NRXN3: variants seen among roughly 807,000 people sequenced by gnomAD.
The protein encoded by NRXN3 is neurexin 3.
A neutral mutation model predicts 137.6 loss-of-function variants in NRXN3; 32 were observed. The observed-to-expected ratio is 0.23, with a 90% CI of 0.18 to 0.31. NRXN3 has a LOEUF of 0.31. NRXN3 is among the 10% of genes least tolerant of loss of function. NRXN3 has a pLI of 1.00. For synonymous variants in NRXN3, 798 were observed against 784.5 expected (o/e 1.02, Z -0.29); for missense variants, 1,574 against 2,062.5 (o/e 0.76, Z 4.59).
chr14:79,269,718 C>A (rs2079017018), intron 15 of NRXN3, among the ~76,000 whole-genome samples: 1 of 152,146 alleles, frequency 6.6e-6, no homozygotes. Flanking sequence ...GCATATTCTT[C>A]CCATACCGAT....
At chr14:79,408,183 A>C (rs1567041968) in intron 15 of NRXN3, among the ~76,000 whole-genome samples, 1 of 152,152 alleles carries the variant, frequency 6.6e-6, no homozygotes, top group Non-Finnish European at 1.5e-5. Context: ...AAGTGTTTGC[A>C]GACCTGCACT....
chr14:78,525,798 G>A (rs143642880), intron 4 of NRXN3, among the ~76,000 whole-genome samples: 14 of 152,216 alleles, frequency 9.2e-5, no homozygotes, highest in South Asian at 8.3e-4. Context: ...GCTCCTCCTC[G>A]TTTTGTTCTC....
chr14:78,313,824 G>A (rs1449306969), intron 4 of NRXN3, among the ~76,000 whole-genome samples: 2 of 151,968 alleles, frequency 1.3e-5, no homozygotes, highest in African/African-American at 4.8e-5. Flanking sequence ...TTTACTTTTG[G>A]TAAAATTGAG....
intron 15 of NRXN3, among the ~76,000 whole-genome samples, chr14:79,357,722 A>G (rs113191411): frequency 0.016 from 2,489 of 152,280 alleles, 65 homozygotes; most frequent in African/African-American, 0.056. Flanking sequence ...ACTGATATAT[A>G]TATACATACC....
chr14:79,234,334 ATATATAATATT>A (rs1568715268), intron 15 of NRXN3, among the ~76,000 whole-genome samples: 5 of 103,766 alleles, frequency 4.8e-5, no homozygotes, highest in African/African-American at 7.3e-5. Context: ...ATATATATAT[ATATATAATATT>A]TATATATATA....
chr14:78,785,170 A>G (rs1162648570), intron 8 of NRXN3, among the ~76,000 whole-genome samples: 1 of 152,220 alleles, frequency 6.6e-6, no homozygotes, highest in Non-Finnish European at 1.5e-5. Context: ...ACAAGAAGAC[A>G]TTTTGAGGAT....
At chr14:79,445,843 TAA>T (rs1406234537) in intron 15 of NRXN3, among the ~76,000 whole-genome samples, 2 of 152,164 alleles carry the variant, frequency 1.3e-5, no homozygotes, top group African/African-American at 4.8e-5. Context: ...GGGGCTGTTG[TAA>T]AGAGTTTCAT....
chr14:79,393,565 T>C (rs1020446887), intron 15 of NRXN3, among the ~76,000 whole-genome samples: 1 of 152,128 alleles, frequency 6.6e-6, no homozygotes, highest in Non-Finnish European at 1.5e-5. Flanking sequence ...ACAAAAGTTA[T>C]ACACTTTGGG....
intron 4 of NRXN3, among the ~76,000 whole-genome samples, chr14:78,421,261 C>CAAAAAAAAAAAAAAAAAAAA (rs34046580): frequency 8.6e-6 from 1 of 116,082 alleles, no homozygotes; most frequent in Non-Finnish European, 1.8e-5. Context: ...GACTCCATCT[C>CAAAAAAAAAAAAAAAAAAAA]AAAAAAAAAA....
chr14:79,510,102 T>C (rs1036206722), intron 16 of NRXN3, among the ~76,000 whole-genome samples: 1 of 152,132 alleles, frequency 6.6e-6, no homozygotes, highest in Non-Finnish European at 1.5e-5. Context: ...TTAGAAAGCA[T>C]ATAATTGTAA....
intron 4 of NRXN3, among the ~76,000 whole-genome samples, chr14:78,400,694 G>T (rs970014361): frequency 5.3e-5 from 8 of 152,264 alleles, no homozygotes; most frequent in African/African-American, 1.9e-4. Flanking sequence ...GTATGTAATT[G>T]ATGGTCTCTG....
chr14:78,984,030 T>G, intron 14 of NRXN3, among the ~76,000 whole-genome samples: 1 of 150,946 alleles, frequency 6.6e-6, no homozygotes, highest in Non-Finnish European at 1.5e-5. Context: ...CTCATAGAAA[T>G]AGAGAATAGA....
chr14:78,891,036 A>G (rs1249878144), intron 10 of NRXN3, among the ~76,000 whole-genome samples: 2 of 151,978 alleles, frequency 1.3e-5, no homozygotes, highest in Non-Finnish European at 2.9e-5. Flanking sequence ...TACAATATTA[A>G]CAGTTACATT....
chr14:78,560,772 T>C (rs561289756), intron 4 of NRXN3, among the ~76,000 whole-genome samples: 1 of 152,306 alleles, frequency 6.6e-6, no homozygotes, highest in Non-Finnish European at 1.5e-5. Context: ...GATAACTTCA[T>C]AGAGGAAATT....
intron 8 of NRXN3, among the ~76,000 whole-genome samples, chr14:78,720,575 A>G (rs1268206068): frequency 1.3e-5 from 2 of 152,098 alleles, no homozygotes; most frequent in Non-Finnish European, 2.9e-5. Flanking sequence ...TTTTTGTCCT[A>G]TGATATTCAA....
At chr14:79,264,555 T>C (rs1038572464) in intron 15 of NRXN3, among the ~76,000 whole-genome samples, 10 of 149,224 alleles carry the variant, frequency 6.7e-5, no homozygotes, top group Admixed American at 2.0e-4. Context: ...TGTGTGTGTG[T>C]GTGCGCGCGT....
intron 8 of NRXN3, among the ~76,000 whole-genome samples, chr14:78,736,865 A>C (rs1232022859): frequency 6.6e-6 from 1 of 152,232 alleles, no homozygotes; most frequent in African/African-American, 2.4e-5. Flanking sequence ...GAGCAAGGGG[A>C]TGGAGAAGAG....
At chr14:79,768,395 A>C (rs1300551242) in intron 19 of NRXN3, among the ~76,000 whole-genome samples, 4 of 152,208 alleles carry the variant, frequency 2.6e-5, no homozygotes, top group Admixed American at 1.3e-4. Context: ...TGAAGAGAGC[A>C]GTGGTTCTCC....
At chr14:79,355,323 A>C in intron 15 of NRXN3, among the ~76,000 whole-genome samples, 1 of 143,924 alleles carries the variant, frequency 6.9e-6, no homozygotes, top group Admixed American at 7.1e-5. Context: ...CCCCCAATTC[A>C]CTTCTTTTCC....
Sources: gnomAD v4.1 joint callset for allele counts (sites outside exome capture counted in the v4.1 genomes callset) on GRCh38, gnomAD v4.1.1 for gene constraint, MANE v1.5 for transcripts, NCBI Gene and HGNC (gene_info 2026-07-23, HGNC 2026-07-21) for gene names.